The following TUBA1C variants were observed in gnomAD, a reference collection of about 807,000 sequenced individuals.
TUBA1C encodes the protein tubulin alpha 1c.
In TUBA1C, 16 loss-of-function variants were observed where a neutral mutation model predicts 34.9. The observed-to-expected ratio is 0.46, with a 90% CI of 0.31 to 0.70. TUBA1C has a LOEUF of 0.70. Among genes scored for constraint, TUBA1C ranks in the 30% least tolerant of loss-of-function variants. The pLI is 0.05. For synonymous variants in TUBA1C, 177 were observed against 215.9 expected (o/e 0.82, Z 1.58); for missense variants, 329 against 587.3 (o/e 0.56, Z 4.55).
At chr12:49,259,070 A>AT (rs910502304) in intron 1 of TUBA1C, among the ~76,000 whole-genome samples, 31 of 151,984 alleles carry the variant, frequency 2.0e-4, no homozygotes, top group Admixed American at 1.4e-3. Flanking sequence ...AAAATGAAAA[A>AT]TTTTTTTAAA....
At chr12:49,270,928 G>C (rs182008391) in intron 3 of TUBA1C, among the ~76,000 whole-genome samples, 2 of 152,192 alleles carry the variant, frequency 1.3e-5, no homozygotes, top group Middle Eastern at 6.8e-3. Flanking sequence ...GCAGTGAGCC[G>C]AGATCGTGCC....
chr12:49,261,753 T>G (rs912353504), upstream of TUBA1C, among the ~76,000 whole-genome samples: 2 of 152,172 alleles, frequency 1.3e-5, no homozygotes, highest in Non-Finnish European at 2.9e-5. Flanking sequence ...AAGGTTCAGT[T>G]TTATCTGAAT....
chr12:49,261,832 A>C (rs1942843315), upstream of TUBA1C, among the ~76,000 whole-genome samples: 2 of 152,212 alleles, frequency 1.3e-5, no homozygotes, highest in African/African-American at 4.8e-5. Flanking sequence ...AGCCCAAGAA[A>C]GCTGCAGTAG....
Position 49,273,979 on chromosome 12 carries a change from A to C in TUBA1C, c.*752A>C, listed in dbSNP as rs1592290506. 6.5e-6 allele frequency: 1 copy of C among 152,966 alleles called. No individual in the cohort carries two copies. The highest frequency in any genetic ancestry group is 1.9e-4 in the East Asian group (1 of 5,208). The allele number at this position is 152,966 out of a possible 1,614,324, so 9.5% of individuals were successfully genotyped here. On this transcript the variant is annotated 3_prime_UTR_variant, in exon 4 of 4. Coordinates refer to ENST00000301072, the MANE Select transcript of TUBA1C (RefSeq NM_032704.5). ...GCACCTGCCTATAGGTGGGAGGACCACCTGAGCCCAAGGAGGTTGAGGTAG... is the reference window on the plus strand; with the variant it reads ...GCACCTGCCTATAGGTGGGAGGACCCCCTGAGCCCAAGGAGGTTGAGGTAG...
upstream of TUBA1C, among the ~76,000 whole-genome samples, chr12:49,262,048 C>T (rs1942844957): frequency 6.6e-6 from 1 of 152,084 alleles, no homozygotes; most frequent in South Asian, 2.1e-4. Context: ...AAGGGCCTTA[C>T]AGAGGATCCT....
intron 2 of TUBA1C, 63 bp downstream of exon 2, chr12:49,269,750 G>A: frequency 3.1e-6 from 5 of 1,613,274 alleles, no homozygotes; most frequent in Non-Finnish European, 3.4e-6. Context: ...TCTGTCCTGG[G>A]GGGGCTCCGC....
chr12:49,240,524 A>C (rs1268487495), intron 1 of TUBA1C, among the ~76,000 whole-genome samples: 1 of 151,848 alleles, frequency 6.6e-6, no homozygotes, highest in East Asian at 1.9e-4. Flanking sequence ...CACTTCCTGG[A>C]CCCCCACAGG....
intron 1 of TUBA1C, chr12:49,233,487 A>G (rs1384579336): frequency 6.6e-6 from 1 of 152,206 alleles, no homozygotes; most frequent in Non-Finnish European, 1.5e-5. Flanking sequence ...TCCTTTCAGG[A>G]CTTGGGGGCC....
chr12:49,273,298 C>T lies in TUBA1C; in HGVS notation c.*71C>T, dbSNP rs184192056. The T allele has an allele frequency of 5.4e-4, 869 of 1,611,144 alleles. 5 individuals are homozygous for T. In the East Asian group the frequency reaches 0.015, roughly 27 times the overall value. Reference sequence around the variant, plus strand: ...TTTTTGTTCTGTAAATGTCTATTGCCGTAAATTGTTAATAAAATTGAAGTT... The same window carrying T: ...TTTTTGTTCTGTAAATGTCTATTGCTGTAAATTGTTAATAAAATTGAAGTT... On this transcript the variant is annotated 3_prime_UTR_variant, in exon 4 of 4. Transcript: ENST00000301072.
intron 1 of TUBA1C, among the ~76,000 whole-genome samples, chr12:49,247,026 G>C (rs889617464): frequency 1.3e-5 from 2 of 151,440 alleles, no homozygotes; most frequent in Non-Finnish European, 2.9e-5. Flanking sequence ...TGTAATCTCA[G>C]CTACTTGGGA....
intron 1 of TUBA1C, among the ~76,000 whole-genome samples, chr12:49,255,851 C>T (rs902633651): frequency 1.1e-4 from 16 of 152,226 alleles, no homozygotes; most frequent in African/African-American, 3.9e-4. Flanking sequence ...CAGGCGTGAG[C>T]CACCACGCCC....
At chr12:49,249,722 A>G (rs1427789485) in intron 1 of TUBA1C, among the ~76,000 whole-genome samples, 1 of 151,560 alleles carries the variant, frequency 6.6e-6, no homozygotes, top group Non-Finnish European at 1.5e-5. Context: ...TTAGCCAGTC[A>G]TGGTGGCACG....
At chr12:49,255,018 C>T (rs1942769386) in intron 1 of TUBA1C, among the ~76,000 whole-genome samples, 2 of 151,994 alleles carry the variant, frequency 1.3e-5, no homozygotes, top group African/African-American at 4.8e-5. Context: ...CTCCTGAGCT[C>T]AAGTGATCCT....
At chr12:49,248,695 C>G (rs1300056882) in intron 1 of TUBA1C, among the ~76,000 whole-genome samples, 1 of 151,404 alleles carries the variant, frequency 6.6e-6, no homozygotes, top group Non-Finnish European at 1.5e-5. Context: ...AACTCCGTCT[C>G]TACTAAAAAT....
intron 1 of TUBA1C, among the ~76,000 whole-genome samples, chr12:49,244,382 A>C (rs930665197): frequency 3.3e-5 from 5 of 152,170 alleles, no homozygotes; most frequent in Admixed American, 1.3e-4. Flanking sequence ...TAGAAGAAAC[A>C]TCTAAAAATG....
chr12:49,254,891 TC>T (rs1325151335), intron 1 of TUBA1C, among the ~76,000 whole-genome samples: 2 of 152,090 alleles, frequency 1.3e-5, no homozygotes, highest in African/African-American at 4.8e-5. Context: ...CCCAGGAAGT[TC>T]CAAGGATTTA....
intron 1 of TUBA1C, among the ~76,000 whole-genome samples, chr12:49,247,968 GAA>G (rs1942690286): frequency 1.4e-5 from 2 of 145,710 alleles, no homozygotes; most frequent in Non-Finnish European, 3.0e-5. Flanking sequence ...AAAAAAGAGA[GAA>G]AGAAAGAAAG....
chr12:49,263,936 C>T (rs1942866024), upstream of TUBA1C, among the ~76,000 whole-genome samples: 1 of 152,086 alleles, frequency 6.6e-6, no homozygotes, highest in Non-Finnish European at 1.5e-5. Flanking sequence ...AAGCCAACTA[C>T]TCGGCCAGGC....
intron 1 of TUBA1C, among the ~76,000 whole-genome samples, chr12:49,242,230 A>G (rs1360149338): frequency 6.6e-6 from 1 of 151,872 alleles, no homozygotes; most frequent in Non-Finnish European, 1.5e-5. Context: ...GCCTCAAGCA[A>G]TTCACCTGTC....
Sources: allele counts gnomAD v4.1 joint callset (sites outside exome capture counted in the v4.1 genomes callset), GRCh38; gene constraint gnomAD v4.1.1; transcripts MANE v1.5; gene names NCBI Gene and HGNC (gene_info 2026-07-23, HGNC 2026-07-21).